IL1RAPL2: variants seen among roughly 807,000 people sequenced by gnomAD.
The protein encoded by IL1RAPL2 is interleukin 1 receptor accessory protein like 2.
In IL1RAPL2, 3 loss-of-function variants were observed where a neutral mutation model predicts 44.1. The observed-to-expected ratio is 0.07, with a 90% CI of 0.03 to 0.18. The LOEUF (loss-of-function observed/expected upper bound fraction) is 0.18, where lower values mean the gene tolerates loss of function less well. IL1RAPL2 is among the 10% of genes least tolerant of loss of function. The pLI is 1.00. For synonymous variants in IL1RAPL2, 181 were observed against 178.8 expected, an observed-to-expected ratio of 1.01 and a Z score of -0.10; for missense variants, 391 against 496.4, an observed-to-expected ratio of 0.79 and a Z score of 2.02.
At chrX:104,626,595 G>A (rs1186462298) in intron 1 of IL1RAPL2, among the ~76,000 whole-genome samples, 1 of 110,314 alleles carries the variant, frequency 9.1e-6, no homozygotes, top group Non-Finnish European at 1.9e-5. Context: ...GGGAAATTTG[G>A]TAGGAAATAC....
chrX:104,863,591 G>C (rs1032468125), intron 2 of IL1RAPL2, among the ~76,000 whole-genome samples: 4 of 111,940 alleles, frequency 3.6e-5, no homozygotes, highest in Non-Finnish European at 7.5e-5. Flanking sequence ...GTGGCCAAGT[G>C]TTCTGTGAAA....
At chrX:105,638,329 G>A (rs1421959041) in intron 6 of IL1RAPL2, among the ~76,000 whole-genome samples, 1 of 110,183 alleles carries the variant, frequency 9.1e-6, no homozygotes, top group Non-Finnish European at 1.9e-5. Flanking sequence ...GGGCAGATGG[G>A]TTGTTCATAA....
chrX:105,212,528 G>C (rs202059397), intron 3 of IL1RAPL2, among the ~76,000 whole-genome samples: 21 of 112,101 alleles, frequency 1.9e-4, no homozygotes, highest in African/African-American at 6.8e-4. Context: ...GCGGCTGTGA[G>C]TGCAGCTTCA....
intron 2 of IL1RAPL2, among the ~76,000 whole-genome samples, chrX:105,034,010 T>C (rs2031569854): frequency 8.9e-6 from 1 of 112,230 alleles, no homozygotes; most frequent in Non-Finnish European, 1.9e-5. Context: ...TTCCAGTTGA[T>C]TGCAATGGCT....
At chrX:104,981,833 A>G (rs1051828036) in intron 2 of IL1RAPL2, among the ~76,000 whole-genome samples, 5 of 111,466 alleles carry the variant, frequency 4.5e-5, no homozygotes, top group Non-Finnish European at 7.6e-5. Context: ...TATTGAAATA[A>G]TCATGTAGTT....
chrX:104,862,495 G>A (rs769788568), intron 2 of IL1RAPL2, among the ~76,000 whole-genome samples: 11 of 110,374 alleles, frequency 1.0e-4, no homozygotes, highest in South Asian at 3.9e-4. Context: ...GGACACAAAC[G>A]CAGAAGACCA....
intron 5 of IL1RAPL2, among the ~76,000 whole-genome samples, chrX:105,337,907 A>G (rs924225164): frequency 9.0e-6 from 1 of 111,272 alleles, no homozygotes; most frequent in Admixed American, 9.5e-5. Flanking sequence ...ACACACACAC[A>G]CACACACAAA....
intron 6 of IL1RAPL2, among the ~76,000 whole-genome samples, chrX:105,583,295 C>T (rs991932711): frequency 1.8e-5 from 2 of 109,869 alleles, no homozygotes. Context: ...ACATCACTCC[C>T]GGCTAATTTT....
At chrX:104,716,309 T>C (rs1931565146) in intron 2 of IL1RAPL2, among the ~76,000 whole-genome samples, 1 of 110,995 alleles carries the variant, frequency 9.0e-6, no homozygotes, top group Non-Finnish European at 1.9e-5. Flanking sequence ...AAATGTAAAA[T>C]CCAGAACTAA....
At chrX:105,464,008 CA>C (rs1264656494) in intron 5 of IL1RAPL2, among the ~76,000 whole-genome samples, 1 of 112,259 alleles carries the variant, frequency 8.9e-6, no homozygotes, top group Non-Finnish European at 1.9e-5. Context: ...GCAGAGACTT[CA>C]AAATCTTCTA....
chrX:105,672,713 T>A (rs2037834622), intron 6 of IL1RAPL2, among the ~76,000 whole-genome samples: 1 of 112,308 alleles, frequency 8.9e-6, no homozygotes, highest in Admixed American at 9.4e-5. Context: ...TGTTACAGCA[T>A]CCTAAGAGTG....
At chrX:105,206,635 G>T (rs1556152545) in intron 3 of IL1RAPL2, among the ~76,000 whole-genome samples, 5 of 112,062 alleles carry the variant, frequency 4.5e-5, no homozygotes, top group Non-Finnish European at 3.8e-5. Context: ...GATGAGGATA[G>T]AATTTTATTG....
chrX:104,999,796 A>G (rs770354214), intron 2 of IL1RAPL2, among the ~76,000 whole-genome samples: 2 of 111,469 alleles, frequency 1.8e-5, no homozygotes, highest in Non-Finnish European at 3.8e-5. Flanking sequence ...CTTTAGTTCT[A>G]GTACACATTC....
chrX:105,524,030 AG>A lies in IL1RAPL2; in HGVS notation c.772+39644del, dbSNP rs1242550582. 2.7e-5 allele frequency among the ~76,000 whole-genome samples: 3 copies of A among 111,820 alleles called. No homozygotes were observed. In the East Asian group the frequency reaches 8.4e-4, roughly 31 times the overall value. On this transcript the variant is annotated intron_variant, in intron 6 of 10. Transcript: ENST00000372582. ...CCTAATCAGATAATTCTAGAGTTTAAGAACAGATTTGTATCTTGCTTATCAT... is the reference window on the plus strand; with the variant it reads ...CCTAATCAGATAATTCTAGAGTTTAAAACAGATTTGTATCTTGCTTATCAT...
chrX:105,373,775 T>C (rs1193626435), intron 5 of IL1RAPL2, among the ~76,000 whole-genome samples: 2 of 110,823 alleles, frequency 1.8e-5, no homozygotes, highest in Non-Finnish European at 3.8e-5. Flanking sequence ...CAACAATAAA[T>C]GAGTAGGGAG....
chrX:104,918,630 A>G (rs887637699), intron 2 of IL1RAPL2, among the ~76,000 whole-genome samples: 4 of 111,990 alleles, frequency 3.6e-5, no homozygotes, highest in African/African-American at 1.3e-4. Context: ...ACTATTCAAA[A>G]TGTAAGAAAG....
chrX:104,666,193 A>C (rs1930486513), intron 2 of IL1RAPL2, among the ~76,000 whole-genome samples: 1 of 111,203 alleles, frequency 9.0e-6, no homozygotes, highest in South Asian at 3.8e-4. Flanking sequence ...TATTCCATTA[A>C]GTTTGGCAAC....
intron 2 of IL1RAPL2, among the ~76,000 whole-genome samples, chrX:104,886,673 T>G (rs1222068418): frequency 8.9e-6 from 1 of 112,327 alleles, no homozygotes; most frequent in Non-Finnish European, 1.9e-5. Flanking sequence ...AATGGTTCAC[T>G]GTTCTGGACC....
intron 4 of IL1RAPL2, among the ~76,000 whole-genome samples, chrX:105,252,939 AC>A (rs1242923549): frequency 1.1e-5 from 1 of 90,610 alleles, no homozygotes; most frequent in Non-Finnish European, 1.9e-5. Flanking sequence ...ATTATTTGGA[AC>A]TTTTTTGTCT....
Sources: gnomAD v4.1 joint callset for allele counts (sites outside exome capture counted in the v4.1 genomes callset) on GRCh38, gnomAD v4.1.1 for gene constraint, MANE v1.5 for transcripts, NCBI Gene and HGNC (gene_info 2026-07-23, HGNC 2026-07-21) for gene names.